The following NUP93 variants were observed in gnomAD, a reference collection of about 807,000 sequenced individuals.
NUP93 encodes nuclear pore complex protein Nup93.
NUP93 carries 55 observed loss-of-function variants against 107.8 expected under a neutral mutation model. That is an observed-to-expected ratio of 0.51 (90% CI 0.41 to 0.64). NUP93 has a LOEUF of 0.64. NUP93 is among the 30% of genes least tolerant of loss of function. NUP93 has a pLI of 0.00. For missense variants in NUP93, 937 were observed against 1,044.7 expected, an observed-to-expected ratio of 0.90 and a Z score of 1.42; for synonymous variants, 390 against 397.5, an observed-to-expected ratio of 0.98 and a Z score of 0.22.
intron 5 of NUP93, among the ~76,000 whole-genome samples, chr16:56,810,500 C>T (rs936288720): frequency 1.3e-5 from 2 of 151,996 alleles, no homozygotes; most frequent in South Asian, 2.1e-4. Flanking sequence ...GACATGGTTA[C>T]ATGCTCCTGT....
At chr16:56,755,873 AAAAT>A (rs1596773418) in intron 2 of NUP93, among the ~76,000 whole-genome samples, 4 of 152,230 alleles carry the variant, frequency 2.6e-5, no homozygotes, top group Admixed American at 6.5e-5. Flanking sequence ...AGACTGTCTC[AAAAT>A]AAATAAGTAA....
chr16:56,735,663 G>C (rs1961599467), intron 1 of NUP93, among the ~76,000 whole-genome samples: 1 of 151,998 alleles, frequency 6.6e-6, no homozygotes, highest in Non-Finnish European at 1.5e-5. Flanking sequence ...TGGCAAACAT[G>C]GTGAAACCCC....
chr16:56,783,481 G>A, intron 3 of NUP93: 12 of 985,422 alleles, frequency 1.2e-5, no homozygotes, highest in Non-Finnish European at 1.4e-5. Context: ...TTTCTGAGAT[G>A]AGACAATGAG....
rs150392831 is a variant in NUP93, at chr16:56,769,379, G to A, written c.297+10724G>A. Reference sequence around the variant, plus strand: ...ATAACGTTGATTGAGGGAGAGGCTGGAGCGTACTTTCTCAACCCTGATGTG... The same window carrying A: ...ATAACGTTGATTGAGGGAGAGGCTGAAGCGTACTTTCTCAACCCTGATGTG... On this transcript the variant is annotated intron_variant, in intron 3 of 21. Coordinates refer to ENST00000308159, the MANE Select transcript of NUP93 (RefSeq NM_014669.5). Among the ~76,000 whole-genome samples, 1,405 of 152,278 alleles carry A rather than the reference G, an allele frequency of 9.2e-3. 12 individuals carry two copies. The highest frequency in any genetic ancestry group is 0.027 in the South Asian group (130 of 4,818).
At chr16:56,837,157 A>G (rs1463513600) in intron 17 of NUP93, among the ~76,000 whole-genome samples, 6 of 152,242 alleles carry the variant, frequency 3.9e-5, no homozygotes, top group African/African-American at 1.2e-4. Flanking sequence ...ACTAGAATAC[A>G]TGTTTCTACC....
At position 56,771,540 on chromosome 16, in the gene NUP93, C is replaced by A. The variant is rs938348197; in HGVS notation, c.297+12885C>A. On this transcript the variant is annotated intron_variant, in intron 3 of 21. Coordinates refer to ENST00000308159, the MANE Select transcript of NUP93 (RefSeq NM_014669.5). The stretch of plus-strand genomic sequence containing the variant: ...GTTTTGTCCCTGCCTTTCCTCTGAC[C>A]ATTTCTTACCTGTTTTCTATGGGAT... Among the ~76,000 whole-genome samples, 3 of 152,184 alleles carry A rather than the reference C, an allele frequency of 2.0e-5. 1 individual carries two copies. Among genetic ancestry groups the A allele is most frequent in the Non-Finnish European group, 4.4e-5 (3 of 68,034 alleles).
Position 56,833,365 on chromosome 16 carries a change from T to C in NUP93, c.1496T>C (p.Leu499Pro). 6.3e-7 allele frequency: 1 copy of C among 1,579,110 alleles called. No individual in the cohort carries two copies. Among genetic ancestry groups the C allele is most frequent in the Non-Finnish European group, 8.6e-7 (1 of 1,168,264 alleles). ...AVHVALVLFE[L>P]KLLLKSSGQS... Reference sequence around the variant, plus strand: ...CATGTAGCACTGGTGCTGTTTGAGCTGAAGCTGCTTTTAAAGTCCTCTGGA... The same window carrying C: ...CATGTAGCACTGGTGCTGTTTGAGCCGAAGCTGCTTTTAAAGTCCTCTGGA... The change falls in exon 13 of 22, where the codon CTG becomes CCG. Residue 499 changes from leucine (L) to proline (P), a missense_variant. Leu to Pro is a moderately conservative substitution (Grantham distance 98). Transcript: ENST00000308159.
At chr16:56,802,299 C>T (rs1243969808) in intron 4 of NUP93, among the ~76,000 whole-genome samples, 9 of 140,994 alleles carry the variant, frequency 6.4e-5, no homozygotes, top group Non-Finnish European at 1.4e-4. Flanking sequence ...ATTATCTCTT[C>T]CCCCCCACCC....
At chr16:56,834,556 T>C in intron 15 of NUP93, 114 bp downstream of exon 15, 1 of 1,225,734 alleles carries the variant, frequency 8.2e-7, no homozygotes, top group Non-Finnish European at 1.2e-6. Flanking sequence ...CCTAGGGAGT[T>C]TTTGGAGTTT....
intron 3 of NUP93, among the ~76,000 whole-genome samples, chr16:56,788,187 T>G (rs1962672101): frequency 6.6e-6 from 1 of 152,158 alleles, no homozygotes; most frequent in Admixed American, 6.5e-5. Flanking sequence ...ACTGGACTTC[T>G]GTTGGTCCTG....
intron 3 of NUP93, among the ~76,000 whole-genome samples, chr16:56,779,285 C>G (rs1471575648): frequency 6.6e-6 from 1 of 152,160 alleles, no homozygotes; most frequent in Non-Finnish European, 1.5e-5. Flanking sequence ...CTACTTGAAC[C>G]ACAAAAGTTC....
At chr16:56,760,182 T>C (rs1962097640) in intron 3 of NUP93, among the ~76,000 whole-genome samples, 1 of 152,218 alleles carries the variant, frequency 6.6e-6, no homozygotes, top group African/African-American at 2.4e-5. Flanking sequence ...GCTTTGGTCC[T>C]GTACCACTGG....
intron 1 of NUP93, among the ~76,000 whole-genome samples, chr16:56,739,543 C>T (rs1411435659): frequency 0.014 from 1,151 of 82,468 alleles, no homozygotes; most frequent in African/African-American, 0.03. Flanking sequence ...CCCCACCTCC[C>T]TCCCGGACGG....
At chr16:56,805,772 C>A in intron 5 of NUP93, 140 bp downstream of exon 5, 2 of 920,736 alleles carry the variant, frequency 2.2e-6, no homozygotes, top group Non-Finnish European at 3.3e-6. Flanking sequence ...TTTAGGATGC[C>A]GCATTTGCCT....
At position 56,806,252 on chromosome 16, in the gene NUP93, A is replaced by AT. The variant is rs1193085417; in HGVS notation, c.489+621dup. Among the ~76,000 whole-genome samples, 7 of 151,684 alleles carry AT rather than the reference A, an allele frequency of 4.6e-5. No homozygotes were observed. The East Asian group carries it at 1.4e-3, about 30-fold the overall frequency. Reference sequence around the variant, plus strand: ...CACTTTTGTCCTCTCCATCTTGCCCATCTGACACCCAGTCTCTTTCACATG... The same window carrying AT: ...CACTTTTGTCCTCTCCATCTTGCCCATTCTGACACCCAGTCTCTTTCACATG... On this transcript the variant is annotated intron_variant, in intron 5 of 21. Transcript: ENST00000308159.
chr16:56,733,900 A>C lies in NUP93; in HGVS notation c.-15+3689A>C, dbSNP rs112597999. ...TAGATCCCCCATACACAGTTGCTAA[A>C]AGCCAGAAGAAACTTTCTCAAACCT... On this transcript the variant is annotated intron_variant, in intron 1 of 21. Coordinates refer to ENST00000308159, the MANE Select transcript of NUP93 (RefSeq NM_014669.5). 4.5e-3 allele frequency among the ~76,000 whole-genome samples: 690 copies of C among 152,356 alleles called. 6 individuals are homozygous for C. Among genetic ancestry groups the C allele is most frequent in the African/African-American group, 0.016 (666 of 41,582 alleles).
At chr16:56,758,049 C>T (rs931621403) in intron 2 of NUP93, among the ~76,000 whole-genome samples, 2 of 149,800 alleles carry the variant, frequency 1.3e-5, no homozygotes, top group African/African-American at 2.5e-5. Context: ...CCAGTCTGGA[C>T]GACAGAGTGA....
intron 3 of NUP93, among the ~76,000 whole-genome samples, chr16:56,765,979 A>G (rs1418470195): frequency 2.0e-5 from 3 of 152,250 alleles, no homozygotes; most frequent in African/African-American, 7.2e-5. Flanking sequence ...GGAATTAAAA[A>G]TGGTAACTTT....
At chr16:56,819,960 A>G (rs1353346020) in intron 6 of NUP93, among the ~76,000 whole-genome samples, 1 of 152,006 alleles carries the variant, frequency 6.6e-6, no homozygotes, top group Non-Finnish European at 1.5e-5. Context: ...CTCCTGCTCC[A>G]ATTTTATACC....
Sources: allele counts gnomAD v4.1 joint callset (sites outside exome capture counted in the v4.1 genomes callset), GRCh38; gene constraint gnomAD v4.1.1; transcripts MANE v1.5; gene names NCBI Gene and HGNC (gene_info 2026-07-23, HGNC 2026-07-21).